CCDC148: variants seen among roughly 807,000 people sequenced by gnomAD.
CCDC148 encodes the protein coiled-coil domain-containing protein 148.
A neutral mutation model predicts 85.7 loss-of-function variants in CCDC148; 89 were observed. The observed-to-expected ratio is 1.04, with a 90% CI of 0.87 to 1.24. CCDC148 has a LOEUF of 1.24. CCDC148 is among the 50% of genes most tolerant of loss of function. CCDC148 has a pLI of 0.00. For synonymous variants in CCDC148, 230 were observed against 213.9 expected (o/e 1.08, Z -0.66); for missense variants, 692 against 671.7 (o/e 1.03, Z -0.33).
At chr2:158,411,071 T>G (rs1427275638) in intron 1 of CCDC148, among the ~76,000 whole-genome samples, 1 of 152,184 alleles carries the variant, frequency 6.6e-6, no homozygotes, top group African/African-American at 2.4e-5. Flanking sequence ...ACTGGTATAC[T>G]TATGGAGTTC....
intron 9 of CCDC148, among the ~76,000 whole-genome samples, chr2:158,259,409 G>A (rs548504632): frequency 5.9e-5 from 9 of 151,858 alleles, no homozygotes; most frequent in East Asian, 1.9e-4. Context: ...CCTACCACCC[G>A]GCACCTGATA....
At chr2:158,184,270 A>C (rs185250554) in intron 11 of CCDC148, among the ~76,000 whole-genome samples, 1 of 152,280 alleles carries the variant, frequency 6.6e-6, no homozygotes, top group East Asian at 1.9e-4. Flanking sequence ...CCCCAAACAG[A>C]GACCATTGTT....
intron 7 of CCDC148, among the ~76,000 whole-genome samples, chr2:158,316,496 C>A (rs1020197084): frequency 5.9e-5 from 9 of 152,174 alleles, no homozygotes; most frequent in African/African-American, 1.9e-4. Flanking sequence ...ATTTTAGAAG[C>A]CTCACATCCC....
intron 11 of CCDC148, among the ~76,000 whole-genome samples, chr2:158,188,486 G>A (rs16842725): frequency 0.015 from 2,335 of 151,606 alleles, 59 homozygotes; most frequent in African/African-American, 0.049. Context: ...TGCCTATTAT[G>A]GACACACCTA....
chr2:158,377,940 C>A (rs1343040175), intron 1 of CCDC148, among the ~76,000 whole-genome samples: 2 of 152,024 alleles, frequency 1.3e-5, no homozygotes, highest in Non-Finnish European at 2.9e-5. Context: ...TTCTGAGACA[C>A]AACAATATTG....
chr2:158,173,801 T>C (rs539063262), intron 13 of CCDC148, among the ~76,000 whole-genome samples: 31 of 152,186 alleles, frequency 2.0e-4, no homozygotes, highest in African/African-American at 6.5e-4. Flanking sequence ...CAGTGATTCA[T>C]GTGCAACCTG....
chr2:158,276,461 C>G (rs544957406), intron 9 of CCDC148, among the ~76,000 whole-genome samples: 1 of 151,420 alleles, frequency 6.6e-6, no homozygotes, highest in Admixed American at 6.6e-5. Flanking sequence ...AAAAAACAAA[C>G]AAAAAAACTG....
At chr2:158,326,806 C>T (rs995146977) in intron 7 of CCDC148, among the ~76,000 whole-genome samples, 5 of 152,180 alleles carry the variant, frequency 3.3e-5, no homozygotes, top group African/African-American at 9.6e-5. Flanking sequence ...AGGCATCTGG[C>T]TCCCCTCCCT....
intron 9 of CCDC148, among the ~76,000 whole-genome samples, chr2:158,260,706 T>A (rs564636475): frequency 5.9e-5 from 9 of 152,084 alleles, no homozygotes; most frequent in Admixed American, 2.6e-4. Flanking sequence ...TCACTAGCAT[T>A]CTTATACACC....
At chr2:158,394,783 G>A (rs908783013) in intron 1 of CCDC148, among the ~76,000 whole-genome samples, 9 of 151,912 alleles carry the variant, frequency 5.9e-5, no homozygotes, top group Non-Finnish European at 1.3e-4. Context: ...TAACTCACAG[G>A]CAGTAAAACT....
intron 11 of CCDC148, among the ~76,000 whole-genome samples, chr2:158,196,786 C>T (rs1685695632): frequency 6.6e-6 from 1 of 151,992 alleles, no homozygotes; most frequent in Non-Finnish European, 1.5e-5. Flanking sequence ...CTCCTATACC[C>T]TACTCTGCAC....
intron 11 of CCDC148, among the ~76,000 whole-genome samples, chr2:158,183,173 C>T (rs1684987246): frequency 6.6e-6 from 1 of 152,118 alleles, no homozygotes; most frequent in South Asian, 2.1e-4. Context: ...TCAAAAGCAA[C>T]AGCTGCTGCA....
At chr2:158,417,826 G>A (rs1210579633) in intron 1 of CCDC148, among the ~76,000 whole-genome samples, 10 of 152,100 alleles carry the variant, frequency 6.6e-5, no homozygotes. Context: ...AAGTTCATTT[G>A]TAGATCCCCC....
rs1482520486 is a variant in CCDC148, at chr2:158,355,553, C to T, written c.147+2896G>A. 1.4e-5 allele frequency among the ~76,000 whole-genome samples: 2 copies of T among 140,946 alleles called. 1 individual carries two copies. Among genetic ancestry groups the T allele is most frequent in the Middle Eastern group, 6.9e-3 (2 of 288 alleles). The allele number at this position is 140,946 out of a possible 152,430, so 92.5% of individuals were successfully genotyped here. On this transcript the variant is annotated intron_variant, in intron 2 of 13. Transcript: ENST00000283233. Reference sequence around the variant, plus strand: ...TGAAGGACCTCTTCAAGGAGAACTACAAACCACTGCTCAAGGAAATAAAAG... The same window carrying T: ...TGAAGGACCTCTTCAAGGAGAACTATAAACCACTGCTCAAGGAAATAAAAG...
intron 7 of CCDC148, among the ~76,000 whole-genome samples, chr2:158,331,186 C>T (rs1416383670): frequency 6.6e-6 from 1 of 152,190 alleles, no homozygotes; most frequent in Non-Finnish European, 1.5e-5. Flanking sequence ...TTGAATGTGT[C>T]CCAGAGATTC....
At chr2:158,426,606 T>C (rs887275810) in intron 1 of CCDC148, among the ~76,000 whole-genome samples, 1 of 152,156 alleles carries the variant, frequency 6.6e-6, no homozygotes, top group Non-Finnish European at 1.5e-5. Flanking sequence ...GAATTTGGCA[T>C]TCAGTGTAGT....
chr2:158,219,372 T>G (rs574625963), intron 11 of CCDC148, among the ~76,000 whole-genome samples: 9 of 152,314 alleles, frequency 5.9e-5, no homozygotes, highest in Admixed American at 3.3e-4. Flanking sequence ...AAATCCACCC[T>G]TCATTGTCTG....
intron 11 of CCDC148, among the ~76,000 whole-genome samples, chr2:158,215,943 C>A (rs566316147): frequency 6.6e-6 from 1 of 152,220 alleles, no homozygotes; most frequent in Admixed American, 6.5e-5. Flanking sequence ...CAGGAAGAGA[C>A]CCCTCACCAG....
chr2:158,360,681 C>T (rs1559098585), intron 1 of CCDC148, among the ~76,000 whole-genome samples: 1 of 152,116 alleles, frequency 6.6e-6, no homozygotes, highest in Non-Finnish European at 1.5e-5. Flanking sequence ...TTACCAACAT[C>T]AAAGACCAAA....
Sources: allele counts gnomAD v4.1 joint callset (sites outside exome capture counted in the v4.1 genomes callset), GRCh38; gene constraint gnomAD v4.1.1; transcripts MANE v1.5; gene names NCBI Gene and HGNC (gene_info 2026-07-23, HGNC 2026-07-21).